The following ZNF236 variants were observed in gnomAD, a reference collection of about 807,000 sequenced individuals.
ZNF236 encodes the protein zinc finger protein 236.
Under a neutral mutation model 191.2 loss-of-function variants are expected in ZNF236, and 50 were observed. The observed-to-expected ratio is 0.26, with a 90% CI of 0.21 to 0.33. ZNF236 has a LOEUF of 0.33. Ranked by LOEUF, ZNF236 falls within the 10% of genes least tolerant of loss-of-function variation. The pLI, the probability that ZNF236 is intolerant of heterozygous loss-of-function variation, is 1.00. For missense variants in ZNF236, 1,754 were observed against 2,374.5 expected, an observed-to-expected ratio of 0.74 and a Z score of 5.43; for synonymous variants, 907 against 928.8, an observed-to-expected ratio of 0.98 and a Z score of 0.43.
In ZNF236 at chr18:76,969,326, G is replaced by A. The variant is rs1208453839; in HGVS notation, c.*987G>A. ...ACATGTCCCAAACCAAATCCCACCC[G>A]TGCTGGGCAGAGTGCGTGCACGCCA... On this transcript the variant is annotated 3_prime_UTR_variant, in exon 31 of 31. Transcript: ENST00000320610. 6.6e-6 allele frequency: 1 copy of A among 152,642 alleles called. No individual in the cohort carries two copies. Among genetic ancestry groups the A allele is most frequent in the Non-Finnish European group, 1.5e-5 (1 of 68,044 alleles). 9.5% of individuals were successfully genotyped at this position (152,642 alleles called of 1,614,324 possible).
intron 6 of ZNF236, among the ~76,000 whole-genome samples, chr18:76,877,015 G>C (rs1004005564): frequency 6.6e-6 from 1 of 152,196 alleles, no homozygotes; most frequent in African/African-American, 2.4e-5. Context: ...GGTTCTTAGA[G>C]AGGCACCAGA....
intron 25 of ZNF236, among the ~76,000 whole-genome samples, chr18:76,932,976 C>G (rs117271423): frequency 0.011 from 1,621 of 152,264 alleles, 12 homozygotes; most frequent in Non-Finnish European, 0.017. Context: ...ATAAATTCAC[C>G]TCCACAGACG....
chr18:76,949,487 A>G (rs1378878165), intron 27 of ZNF236, among the ~76,000 whole-genome samples: 1 of 152,174 alleles, frequency 6.6e-6, no homozygotes. Context: ...ACCAATCTGT[A>G]TGAGTGAATA....
At chr18:76,832,896 T>C (rs4890960) in intron 1 of ZNF236, among the ~76,000 whole-genome samples, 152,040 of 152,182 alleles carry the variant, frequency 1, 75,951 homozygotes, top group Non-Finnish European at 1. Flanking sequence ...TATCGTCTCT[T>C]GGTAATGTTT....
chr18:76,867,729 C>G (rs1213129046), intron 3 of ZNF236, among the ~76,000 whole-genome samples: 3 of 152,186 alleles, frequency 2.0e-5, no homozygotes, highest in Admixed American at 6.5e-5. Flanking sequence ...TTATTGAGTT[C>G]TCACTCTAGG....
intron 3 of ZNF236, among the ~76,000 whole-genome samples, chr18:76,865,293 T>C (rs112678987): frequency 6.6e-6 from 1 of 152,030 alleles, no homozygotes. Flanking sequence ...GCTGAGATCA[T>C]GCCATTGCAC....
chr18:76,898,240 A>G (rs1225622287), intron 10 of ZNF236: 1 of 152,152 alleles, frequency 6.6e-6, no homozygotes, highest in African/African-American at 2.4e-5. Flanking sequence ...TAATTTACAT[A>G]TAATATTTAC....
chr18:76,861,403 A>G (rs1204544019), intron 3 of ZNF236, among the ~76,000 whole-genome samples: 1 of 152,164 alleles, frequency 6.6e-6, no homozygotes, highest in Admixed American at 6.5e-5. Context: ...AGTCCTGCTC[A>G]CATTCAGTTG....
chr18:76,937,845 G>A (rs1297755590), intron 26 of ZNF236, among the ~76,000 whole-genome samples: 1 of 152,098 alleles, frequency 6.6e-6, no homozygotes, highest in East Asian at 1.9e-4. Flanking sequence ...TAAATGATTC[G>A]TTGAGCTAAG....
rs911848453 is a variant in ZNF236 at position 76,919,833 on chromosome 18, G to A, written c.3332G>A (p.Arg1111His). Residue 1111 changes from arginine (R) to histidine (H), a missense_variant, in exon 20 of 31, where the codon CGT becomes CAT. Around this residue, in one of 5 missense-constraint regions of ZNF236, gnomAD observed 641 missense variants for 869.6 expected, o/e 0.74. Transcript: ENST00000320610. This position sits in a 1 kb window ranked among gnomAD's most constrained non-coding sequence, Gnocchi z 5.3. ...HSDRNASRKS[R>H]PEVITFTEEE... ...GACAGAAATGCATCACGGAAGTCTC[G>A]TCCTGAGGTCATCACTTTCACGGAG... 8 of 1,614,088 alleles carry A rather than the reference G, an allele frequency of 5.0e-6. No homozygotes were observed. Among genetic ancestry groups the A allele is most frequent in the African/African-American group, 1.3e-5 (1 of 74,942 alleles).
chr18:76,949,039 G>A (rs1458830009), intron 27 of ZNF236, among the ~76,000 whole-genome samples: 2 of 152,186 alleles, frequency 1.3e-5, no homozygotes, highest in African/African-American at 2.4e-5. Context: ...AGCACCTCAG[G>A]CCTGGTGAGG....
intron 3 of ZNF236, among the ~76,000 whole-genome samples, chr18:76,858,497 C>G (rs1319882697): frequency 6.6e-6 from 1 of 152,216 alleles, no homozygotes; most frequent in African/African-American, 2.4e-5. Context: ...CACAGTTTAA[C>G]ATTGCTGTAA....
intron 9 of ZNF236, among the ~76,000 whole-genome samples, chr18:76,883,371 T>C (rs1158872108): frequency 6.6e-6 from 1 of 151,112 alleles, no homozygotes; most frequent in Non-Finnish European, 1.5e-5. Flanking sequence ...GCTTTTTTTT[T>C]TTTTTTTTTT....
chr18:76,955,800 G>A (rs1968508856), intron 27 of ZNF236, among the ~76,000 whole-genome samples, 185 bp from the exon 28 acceptor site: 1 of 152,204 alleles, frequency 6.6e-6, no homozygotes, highest in African/African-American at 2.4e-5. Flanking sequence ...GACACAGTGT[G>A]CATTCTGGTC....
At chr18:76,867,755 G>A (rs1976457670) in intron 3 of ZNF236, among the ~76,000 whole-genome samples, 2 of 152,166 alleles carry the variant, frequency 1.3e-5, no homozygotes, top group African/African-American at 4.8e-5. Context: ...CACAGTCAGC[G>A]TCTTACAGGT....
intron 10 of ZNF236, among the ~76,000 whole-genome samples, chr18:76,896,758 C>CA (rs1267964222): frequency 6.6e-6 from 1 of 151,452 alleles, no homozygotes; most frequent in African/African-American, 2.4e-5. Flanking sequence ...AGGTACCAAA[C>CA]ACAGTACAGC....
intron 6 of ZNF236, among the ~76,000 whole-genome samples, chr18:76,877,108 T>C (rs1976738680): frequency 6.6e-6 from 1 of 152,226 alleles, no homozygotes. Flanking sequence ...TAACTAACAC[T>C]GGGTTTTAGT....
At chr18:76,954,366 T>A (rs1673202395) in intron 27 of ZNF236, among the ~76,000 whole-genome samples, 1 of 152,256 alleles carries the variant, frequency 6.6e-6, no homozygotes, top group South Asian at 2.1e-4. Flanking sequence ...TACTGGTAGA[T>A]GCTTCGTAAT....
At chr18:76,832,234 C>T (rs1038059969) in intron 1 of ZNF236, among the ~76,000 whole-genome samples, 4 of 152,098 alleles carry the variant, frequency 2.6e-5, no homozygotes, top group African/African-American at 9.7e-5. Flanking sequence ...TGCGCACCAC[C>T]GCACTTGGCT....
Sources: gnomAD v4.1 joint callset for allele counts (sites outside exome capture counted in the v4.1 genomes callset) on GRCh38, gnomAD v4.1.1 for gene constraint, gnomAD v4.1.1 regional missense constraint, Gnocchi (gnomAD v3.1) non-coding constraint, MANE v1.5 for transcripts, NCBI Gene and HGNC (gene_info 2026-07-23, HGNC 2026-07-21) for gene names.